Variants in CFDP1 observed in about 807,000 individuals in gnomAD.
CFDP1 encodes chromatin remodeling protein CFDP1.
In CFDP1, 31 loss-of-function variants were observed where a neutral mutation model predicts 40.1. The observed-to-expected ratio is 0.77, with a 90% CI of 0.58 to 1.04. The LOEUF (loss-of-function observed/expected upper bound fraction) is 1.04, where lower values mean the gene tolerates loss of function less well. CFDP1 is among the 50% of genes least tolerant of loss of function. CFDP1 has a pLI of 0.00. For missense variants in CFDP1, 423 were observed against 343.4 expected, an observed-to-expected ratio of 1.23 and a Z score of -1.83; for synonymous variants, 167 against 120.0, an observed-to-expected ratio of 1.39 and a Z score of -2.56.
chr16:75,418,552 G>A (rs1404324580), intron 1 of CFDP1, among the ~76,000 whole-genome samples: 5 of 151,824 alleles, frequency 3.3e-5, no homozygotes, highest in Non-Finnish European at 5.9e-5. Context: ...CTTGTGATCC[G>A]CCGACCTCGG....
intron 5 of CFDP1, among the ~76,000 whole-genome samples, chr16:75,390,588 C>T (rs1159810861): frequency 1.3e-5 from 2 of 152,190 alleles, no homozygotes; most frequent in Non-Finnish European, 2.9e-5. Flanking sequence ...TCTTGAGACC[C>T]ACTGCAATAG....
intron 5 of CFDP1, among the ~76,000 whole-genome samples, chr16:75,374,451 T>C (rs1597363039): frequency 6.6e-6 from 1 of 152,098 alleles, no homozygotes; most frequent in African/African-American, 2.4e-5. Context: ...GAAAAGTATC[T>C]CATACAGATA....
intron 4 of CFDP1, among the ~76,000 whole-genome samples, chr16:75,408,502 A>G (rs247433): frequency 0.99 from 150,768 of 152,288 alleles, 74,639 homozygotes; most frequent in Middle Eastern, 1. Context: ...ACAGTGGGCC[A>G]GGTGCAGTGG....
intron 5 of CFDP1, among the ~76,000 whole-genome samples, chr16:75,355,121 C>A (rs1454489022): frequency 1.3e-5 from 2 of 152,168 alleles, no homozygotes; most frequent in African/African-American, 4.8e-5. Context: ...GCTAAAAATG[C>A]TGCTGATCAT....
chr16:75,416,685 C>G (rs772926973), intron 1 of CFDP1, among the ~76,000 whole-genome samples: 1 of 152,046 alleles, frequency 6.6e-6, no homozygotes, highest in Non-Finnish European at 1.5e-5. Context: ...GAGGTCAAAG[C>G]TAGAGTGAGC....
intron 5 of CFDP1, among the ~76,000 whole-genome samples, chr16:75,313,454 T>G (rs1333204596): frequency 2.6e-5 from 4 of 152,002 alleles, no homozygotes; most frequent in African/African-American, 9.7e-5. Context: ...CTCAGCCTCC[T>G]GATAGCTGGG....
intron 5 of CFDP1, among the ~76,000 whole-genome samples, chr16:75,309,551 T>G (rs1326810190): frequency 6.6e-6 from 1 of 151,854 alleles, no homozygotes; most frequent in Non-Finnish European, 1.5e-5. Context: ...CCGGGCGCTG[T>G]GGCTCATGCC....
chr16:75,381,040 T>C (rs978865115), intron 5 of CFDP1, among the ~76,000 whole-genome samples: 1 of 152,190 alleles, frequency 6.6e-6, no homozygotes, highest in Non-Finnish European at 1.5e-5. Context: ...ACCCCAGCAG[T>C]GGCACGTAGA....
rs548172632 is a variant in CFDP1 at position 75,395,235 on chromosome 16, C to G, written c.531-26G>C. ...CTGTGCCAAGGAAAAAGACATCAAG[C>G]TTACAAGAAGAATAAAGAGAAAGAA... On this transcript the variant is annotated intron_variant, in intron 4 of 6. Transcript: ENST00000283882. The G allele has an allele frequency of 3.1e-6, 5 of 1,610,130 alleles. No individual in the cohort carries two copies. The East Asian group carries it at 8.9e-5, about 29-fold the overall frequency.
At chr16:75,316,361 C>G (rs2078323048) in intron 5 of CFDP1, among the ~76,000 whole-genome samples, 1 of 152,100 alleles carries the variant, frequency 6.6e-6, no homozygotes, top group African/African-American at 2.4e-5. Flanking sequence ...TCTATAACGT[C>G]TTCGGCTACG....
At chr16:75,365,094 G>A (rs2078704797) in intron 5 of CFDP1, among the ~76,000 whole-genome samples, 1 of 152,112 alleles carries the variant, frequency 6.6e-6, no homozygotes, top group Non-Finnish European at 1.5e-5. Context: ...TTTTTCCATA[G>A]CATCTTAAAT....
chr16:75,303,433 GGAA>G (rs1247188050), intron 6 of CFDP1, among the ~76,000 whole-genome samples: 1 of 56,612 alleles, frequency 1.8e-5, no homozygotes, highest in Non-Finnish European at 5.0e-5. Context: ...GTATGTTTAG[GGAA>G]AAAAAAACCA....
chr16:75,302,125 C>G (rs1389791165), intron 6 of CFDP1, among the ~76,000 whole-genome samples: 1 of 152,188 alleles, frequency 6.6e-6, no homozygotes, highest in Non-Finnish European at 1.5e-5. Flanking sequence ...TGTTCCCTAA[C>G]CCAGTTATGT....
intron 5 of CFDP1, chr16:75,325,001 T>C (rs2078392378): frequency 6.6e-6 from 1 of 152,238 alleles, no homozygotes; most frequent in Non-Finnish European, 1.5e-5. Flanking sequence ...TTTGAGCTTC[T>C]TTGATGGCAT....
At chr16:75,301,646 T>TG (rs1461289359) in intron 6 of CFDP1, 4 of 149,314 alleles carry the variant, frequency 2.7e-5, no homozygotes, top group African/African-American at 9.8e-5. Context: ...TCACTGTACC[T>TG]GTCTTATGCC....
intron 1 of CFDP1, among the ~76,000 whole-genome samples, chr16:75,420,964 G>A (rs2079272355): frequency 6.6e-6 from 1 of 152,148 alleles, no homozygotes; most frequent in Admixed American, 6.5e-5. Context: ...AAATGTTGTA[G>A]ACAGTTCAGA....
chr16:75,384,954 C>T (rs1597371812), intron 5 of CFDP1, among the ~76,000 whole-genome samples: 1 of 137,818 alleles, frequency 7.3e-6, no homozygotes, highest in East Asian at 2.1e-4. Context: ...TCTACGAATG[C>T]AATACATATA....
chr16:75,397,856 C>T (rs909013787), intron 4 of CFDP1, among the ~76,000 whole-genome samples: 2 of 152,096 alleles, frequency 1.3e-5, no homozygotes, highest in Non-Finnish European at 2.9e-5. Flanking sequence ...CAAATCCTTC[C>T]CTACTCCACT....
chr16:75,308,948 C>T (rs10871308), intron 5 of CFDP1, among the ~76,000 whole-genome samples: 105,288 of 152,108 alleles, frequency 0.69, 37,353 homozygotes, highest in Admixed American at 0.78. Context: ...TGCTATTATG[C>T]TTTTGGGGAA....
Sources: allele counts gnomAD v4.1 joint callset (sites outside exome capture counted in the v4.1 genomes callset), GRCh38; gene constraint gnomAD v4.1.1; transcripts MANE v1.5; gene names NCBI Gene and HGNC (gene_info 2026-07-23, HGNC 2026-07-21).